GCH1: variants seen among roughly 807,000 people sequenced by gnomAD.
GCH1 encodes the protein GTP cyclohydrolase I.
GCH1 carries 5 observed loss-of-function variants against 25.9 expected under a neutral mutation model. That is an observed-to-expected ratio of 0.19 (90% CI 0.10 to 0.41). The LOEUF is 0.41. GCH1 is among the 10% of genes least tolerant of loss of function. The pLI is 1.00. For missense variants in GCH1, 261 were observed against 336.5 expected, an observed-to-expected ratio of 0.78 and a Z score of 1.75; for synonymous variants, 159 against 129.6, an observed-to-expected ratio of 1.23 and a Z score of -1.54.
chr14:54,852,740 C>T (rs913216873), intron 3 of GCH1, among the ~76,000 whole-genome samples: 6 of 152,144 alleles, frequency 3.9e-5, no homozygotes, highest in African/African-American at 1.4e-4. Flanking sequence ...TCCAAGAACC[C>T]ATCGACAACG....
At chr14:54,857,002 G>T (rs2140059224) in intron 3 of GCH1, among the ~76,000 whole-genome samples, 1 of 152,294 alleles carries the variant, frequency 6.6e-6, no homozygotes. Context: ...AATGAGCAGT[G>T]AAGTTTTGCT....
At chr14:54,869,501 A>T (rs979840860) in intron 1 of GCH1, among the ~76,000 whole-genome samples, 11 of 151,542 alleles carry the variant, frequency 7.3e-5, no homozygotes, top group Admixed American at 1.3e-4. Context: ...TCTTTTTGAA[A>T]CGAAGTTTTG....
intron 1 of GCH1, among the ~76,000 whole-genome samples, chr14:54,899,881 T>G (rs2040538990): frequency 6.6e-6 from 1 of 151,550 alleles, no homozygotes. Context: ...TTTTTTTTTT[T>G]GAAATGGAGT....
intron 1 of GCH1, among the ~76,000 whole-genome samples, chr14:54,901,333 T>C (rs905623597): frequency 2.0e-5 from 3 of 152,034 alleles, no homozygotes; most frequent in Non-Finnish European, 4.4e-5. Context: ...GAAAATAATG[T>C]CTTTGGTCCC....
At chr14:54,866,690 C>A (rs1257428687) in intron 1 of GCH1, among the ~76,000 whole-genome samples, 11 of 152,150 alleles carry the variant, frequency 7.2e-5, no homozygotes, top group Non-Finnish European at 5.9e-5. Context: ...CACTGCCTGA[C>A]CTTCAGTGGC....
At chr14:54,880,120 A>T (rs1049878376) in intron 1 of GCH1, among the ~76,000 whole-genome samples, 1 of 150,372 alleles carries the variant, frequency 6.7e-6, no homozygotes, top group Non-Finnish European at 1.5e-5. Context: ...CAGTCTGGGC[A>T]ACAGAGCAAG....
chr14:54,871,206 G>A (rs2140084006), intron 1 of GCH1, among the ~76,000 whole-genome samples: 2 of 152,326 alleles, frequency 1.3e-5, no homozygotes, highest in African/African-American at 4.8e-5. Flanking sequence ...CCACTGTTCT[G>A]CAGCCTCCGC....
At position 54,843,623 on chromosome 14, in the gene GCH1, GGAA is replaced by G; in HGVS notation, c.*391_*393del. ...TCGGCACTACACCACTTTTATTGGA[GGAA>G]GAAAAAAAACAGTATACTGGGCACA... On this transcript the variant is annotated 3_prime_UTR_variant, in exon 6 of 6. Transcript: ENST00000491895. 1 of 1,479,880 alleles carries G rather than the reference GGAA, an allele frequency of 6.8e-7. No homozygotes were observed. Among genetic ancestry groups the G allele is most frequent in the Middle Eastern group, 2.4e-4 (1 of 4,208 alleles). 91.7% of individuals were successfully genotyped at this position (1,479,880 alleles called of 1,614,324 possible). A position where few individuals can be genotyped will look rare whatever the true frequency, so the allele number is the denominator to read the frequency against.
intron 1 of GCH1, among the ~76,000 whole-genome samples, chr14:54,891,098 G>GT (rs982869817): frequency 2.9e-5 from 4 of 139,954 alleles, no homozygotes; most frequent in African/African-American, 8.9e-5. Context: ...AATTCATAAG[G>GT]TTTTTTTGTT....
At chr14:54,894,206 G>C (rs1461239516) in intron 1 of GCH1, among the ~76,000 whole-genome samples, 1 of 152,178 alleles carries the variant, frequency 6.6e-6, no homozygotes, top group Admixed American at 6.5e-5. Flanking sequence ...GGTTGTTGCA[G>C]ATGTAATTAG....
chr14:54,879,318 G>C (rs778318734), intron 1 of GCH1, among the ~76,000 whole-genome samples: 10 of 151,338 alleles, frequency 6.6e-5, no homozygotes, highest in Non-Finnish European at 1.2e-4. Flanking sequence ...CTACTTGGGA[G>C]GCTGAGGCAC....
At chr14:54,883,769 C>T (rs908910930) in intron 1 of GCH1, among the ~76,000 whole-genome samples, 1 of 152,192 alleles carries the variant, frequency 6.6e-6, no homozygotes, top group Non-Finnish European at 1.5e-5. Flanking sequence ...GTGGGCAATT[C>T]TTCACTGTAA....
At chr14:54,890,284 G>T (rs1222828084) in intron 1 of GCH1, among the ~76,000 whole-genome samples, 3 of 152,186 alleles carry the variant, frequency 2.0e-5, no homozygotes, top group African/African-American at 7.2e-5. Flanking sequence ...GATCACCTGA[G>T]GTCAGGAGTT....
At chr14:54,881,275 C>G (rs1375715568) in intron 1 of GCH1, among the ~76,000 whole-genome samples, 2 of 152,004 alleles carry the variant, frequency 1.3e-5, no homozygotes, top group Non-Finnish European at 2.9e-5. Context: ...AGGAGGAGTA[C>G]ACAGGAAGAC....
chr14:54,859,591 A>G (rs189066611), intron 3 of GCH1, 90 bp downstream of exon 3: 42 of 811,684 alleles, frequency 5.2e-5, no homozygotes, highest in Admixed American at 4.8e-4. Flanking sequence ...CCATACAGGT[A>G]AAGAGAGAAA....
At chr14:54,852,062 T>C (rs546525920) in intron 3 of GCH1, among the ~76,000 whole-genome samples, 5 of 152,326 alleles carry the variant, frequency 3.3e-5, no homozygotes, top group African/African-American at 1.2e-4. Flanking sequence ...AGTGCTGAGA[T>C]TACAGGCGTG....
At chr14:54,872,321 C>G (rs970444019) in intron 1 of GCH1, among the ~76,000 whole-genome samples, 14 of 152,136 alleles carry the variant, frequency 9.2e-5, no homozygotes, top group African/African-American at 3.4e-4. Flanking sequence ...ACCACCACGC[C>G]TGCCCTACAA....
At chr14:54,848,415 G>A (rs1466057394) in intron 3 of GCH1, among the ~76,000 whole-genome samples, 1 of 152,110 alleles carries the variant, frequency 6.6e-6, no homozygotes, top group Non-Finnish European at 1.5e-5. Flanking sequence ...GATTACAGGC[G>A]TGAGCCCCTG....
rs2039596609 is a variant in GCH1 at position 54,843,822 on chromosome 14, C to G, written c.*195G>C. The G allele has an allele frequency of 1.2e-6, 2 of 1,613,572 alleles. No individual in the cohort carries two copies. The highest frequency in any genetic ancestry group is 1.7e-6 in the Non-Finnish European group (2 of 1,179,604). The stretch of plus-strand genomic sequence containing the variant: ...CTTTAATATTGCCACAAAAAGGTGG[C>G]AAGAAGAAAGTAGAGGGCTCAACCC... On this transcript the variant is annotated 3_prime_UTR_variant, in exon 6 of 6. Coordinates refer to ENST00000491895, the MANE Select transcript of GCH1 (RefSeq NM_000161.3).
Sources: allele counts gnomAD v4.1 joint callset (sites outside exome capture counted in the v4.1 genomes callset), GRCh38; gene constraint gnomAD v4.1.1; transcripts MANE v1.5; gene names NCBI Gene and HGNC (gene_info 2026-07-23, HGNC 2026-07-21).